RNF213: variants seen among roughly 807,000 people sequenced by gnomAD.
The protein encoded by RNF213 is ring finger protein 213, also known as E3 ubiquitin-protein ligase RNF213.
A neutral mutation model predicts 514.4 loss-of-function variants in RNF213; 341 were observed. That is an observed-to-expected ratio of 0.66 (90% confidence interval 0.61 to 0.73). The LOEUF (loss-of-function observed/expected upper bound fraction) is 0.73. RNF213 is among the 30% of genes least tolerant of loss of function. The probability of loss-of-function intolerance (pLI) is 0.00; values close to 1 mark genes in which losing one functional copy is unlikely to be tolerated. For synonymous variants in RNF213, 2,655 were observed against 2,658.2 expected, an observed-to-expected ratio of 1.00 and a Z score of 0.04; for missense variants, 5,767 against 6,615.6, an observed-to-expected ratio of 0.87 and a Z score of 4.45.
intron 8 of RNF213, 36 bp downstream of exon 8, chr17:80,291,863 C>T (rs747190022): frequency 4.4e-5 from 70 of 1,608,712 alleles, no homozygotes; most frequent in Admixed American, 2.7e-4. Context: ...CTCACCCCTC[C>T]GGAGTGCAGG....
chr17:80,310,555 A>AT (rs764917009), intron 14 of RNF213, among the ~76,000 whole-genome samples: 6,574 of 122,646 alleles, frequency 0.054, 159 homozygotes, highest in Middle Eastern at 0.13. Context: ...ACCCAGCACA[A>AT]TTTTTTTTTT....
chr17:80,319,400 G>T lies in RNF213; in HGVS notation c.3024+88G>T, dbSNP rs199525656. 22 of 1,614,204 alleles carry T rather than the reference G, an allele frequency of 1.4e-5. No homozygotes were observed. The East Asian group carries it at 4.0e-4, about 29-fold the overall frequency. ...GCTAAGGGCTATGAAGCACCCGCTG[G>T]GTCTCAGCTCCTCCGCTAACTCAGA... On this transcript the variant is annotated intron_variant, in intron 17 of 67. Transcript: ENST00000582970.
chr17:80,326,563 G>A (rs2046287247), intron 18 of RNF213, among the ~76,000 whole-genome samples: 1 of 152,178 alleles, frequency 6.6e-6, no homozygotes, highest in African/African-American at 2.4e-5. Flanking sequence ...GTATCGTGCA[G>A]AATAGTTGCG....
Position 80,339,225 on chromosome 17 carries a change from A to T in RNF213, c.4858A>T (p.Ser1620Cys). Residue 1620 changes from serine (S) to cysteine (C), a missense_variant, in exon 26 of 68, where the codon AGC (serine) becomes TGC (cysteine). Ser to Cys is a moderately radical substitution (Grantham distance 112). This residue lies in a region of RNF213 where 1,377 missense variants were observed against 1,635.2 expected (regional missense o/e 0.84). Coordinates refer to ENST00000582970, the MANE Select transcript of RNF213 (RefSeq NM_001256071.3). ...GGTCTTCTGCAGTGTGCAGAGGCTC[A>T]GCCAGGCCTTCATCGACCTGCACTC... ...SEVFCSVQRL[S>C]QAFIDLHSAG... 3 of 1,497,896 alleles carry T rather than the reference A, an allele frequency of 2.0e-6. No homozygotes were observed. The highest frequency in any genetic ancestry group is 2.7e-6 in the Non-Finnish European group (3 of 1,124,924). 92.8% of individuals were successfully genotyped at this position (1,497,896 alleles called of 1,614,324 possible). A position where few individuals can be genotyped will look rare whatever the true frequency, so the allele number is the denominator to read the frequency against.
intron 67 of RNF213, among the ~76,000 whole-genome samples, chr17:80,392,313 A>T (rs1599228180): frequency 6.6e-6 from 1 of 152,362 alleles, no homozygotes; most frequent in East Asian, 1.9e-4. Flanking sequence ...GATAAAAAAG[A>T]TCCCTTTCCT....
Position 80,325,116 on chromosome 17 carries a change from GC to G in RNF213, c.3113del (p.Pro1038LeufsTer11). ...VLSAVITKSW[P>X]RTADNFDDIL... ...TGTCTGCTGTGATCACTAAGTCCTG[GC>G]CTAGGACCGCGGACAACTTCGATGA... On this transcript the variant is annotated frameshift_variant, in exon 18 of 68. Transcript: ENST00000582970. LOFTEE classifies it high-confidence loss of function. 1 of 1,537,090 alleles carries G rather than the reference GC, an allele frequency of 6.5e-7. No homozygotes were observed. The highest frequency in any genetic ancestry group is 8.7e-7 in the Non-Finnish European group (1 of 1,146,884).
chr17:80,322,017 C>T (rs1298283324), intron 17 of RNF213, among the ~76,000 whole-genome samples: 1 of 152,110 alleles, frequency 6.6e-6, no homozygotes, highest in African/African-American at 2.4e-5. Context: ...AGCCACTGTG[C>T]CCGGCCTCAT....
chr17:80,342,763 A>ATATATATATTGTATG (rs2078197711), intron 26 of RNF213, among the ~76,000 whole-genome samples: 1 of 145,622 alleles, frequency 6.9e-6, no homozygotes, highest in African/African-American at 2.5e-5. Flanking sequence ...TATATATATT[A>ATATATATATTGTATG]TATATATATA....
At chr17:80,352,500 A>C in intron 32 of RNF213, 2 of 511,682 alleles carry the variant, frequency 3.9e-6, no homozygotes, top group East Asian at 3.1e-5. Context: ...TTTCCAAGGA[A>C]TGGTCACCAG....
intron 42 of RNF213, among the ~76,000 whole-genome samples, chr17:80,366,171 C>A (rs2079263906): frequency 2.0e-5 from 3 of 152,156 alleles, no homozygotes; most frequent in Admixed American, 6.5e-5. Context: ...GCTCCCTCGG[C>A]CGGGCAGGAA....
chr17:80,386,749 G>C lies in RNF213; in HGVS notation c.14780G>C (p.Arg4927Pro), dbSNP rs371045041. ...ELHVISYEVERDLTPLILSNC... is the reference protein window; with the variant it reads ...ELHVISYEVEPDLTPLILSNC... ...CATGTCATCAGTTATGAAGTGGAGC[G>C]GGACCTGACTCCACTGATTCTCTCC... The change falls in exon 63 of 68, where the codon CGG becomes CCG. Residue 4927 changes from arginine (R) to proline (P), a missense_variant. Coordinates refer to ENST00000582970, the MANE Select transcript of RNF213 (RefSeq NM_001256071.3). 6.2e-7 allele frequency: 1 copy of C among 1,614,150 alleles called. No homozygotes were observed. Among genetic ancestry groups the C allele is most frequent in the Admixed American group, 1.7e-5 (1 of 60,030 alleles).
chr17:80,306,389 G>A lies in RNF213; in HGVS notation c.2348G>A (p.Arg783His), dbSNP rs566710985. 4.2e-5 allele frequency: 68 copies of A among 1,614,112 alleles called. No individual in the cohort carries two copies. The South Asian group carries it at 5.2e-4, about 12-fold the overall frequency. The change falls in exon 12 of 68, where the codon CGT becomes CAT. Residue 783 changes from arginine (R) to histidine (H), a missense_variant. By Grantham distance (29) the Arg-to-His change is conservative. This residue lies in a region of RNF213 where 592 missense variants were observed against 673.9 expected (regional missense o/e 0.88). Transcript: ENST00000582970. ...GAAAACTTCATTGAGCACCTGGGTC[G>A]TTTTCCTGCTCATATCCTGGACTGT... ...YMENFIEHLG[R>H]FPAHILDCLS... is the part of the protein sequence containing the mutation.
intron 2 of RNF213, 89 bp from the exon 3 acceptor site, chr17:80,273,152 T>C (rs1478667861): frequency 6.5e-7 from 1 of 1,532,396 alleles, no homozygotes; most frequent in Non-Finnish European, 9.0e-7. Context: ...GGTGAATCTC[T>C]CCATGCACTC....
At position 80,377,810 on chromosome 17, in the gene RNF213, T is replaced by C. The variant is rs1599180780; in HGVS notation, c.13545+14T>C. 6.2e-7 allele frequency: 1 copy of C among 1,614,102 alleles called. No homozygotes were observed. The highest frequency in any genetic ancestry group is 1.1e-5 in the South Asian group (1 of 91,084). ...TCCGTGGGAGAGGTGAGTCTTGGTATTTAAGATAGGGTTTGAGGGGTGGCG... is the reference window on the plus strand; with the variant it reads ...TCCGTGGGAGAGGTGAGTCTTGGTACTTAAGATAGGGTTTGAGGGGTGGCG... On this transcript the variant is annotated intron_variant, in intron 54 of 67. Coordinates refer to ENST00000582970, the MANE Select transcript of RNF213 (RefSeq NM_001256071.3). The surrounding 1 kb of genome is among the most constrained non-coding windows in gnomAD (Gnocchi z 4.1).
chr17:80,354,317 A>C (rs1203222471), intron 35 of RNF213, 124 bp from the exon 36 acceptor site: 1 of 1,533,076 alleles, frequency 6.5e-7, no homozygotes, highest in Admixed American at 1.7e-5. Flanking sequence ...AGCATCTCTC[A>C]GATTTTGCTC....
intron 15 of RNF213, chr17:80,315,767 T>G (rs2045907560): frequency 6.4e-5 from 2 of 31,018 alleles, no homozygotes; most frequent in Non-Finnish European, 1.4e-4. Context: ...ACAGTGGTGA[T>G]GCTGGTGGTG....
In RNF213 at chr17:80,376,919, C is replaced by T; in HGVS notation, c.13466C>T (p.Ala4489Val). ...CCAACCATGCCTGAAGACTTGCTGG[C>T]TCAAGCTCGGAGGTGGAAGGGTCTG... ...FLPTMPEDLL[A>V]QARRWKGLER... Residue 4489 changes from alanine to valine, a missense_variant, in exon 53 of 68, where the codon GCT (alanine) becomes GTT (valine). By Grantham distance (64) the Ala-to-Val change is moderately conservative (BLOSUM62 0). Transcript: ENST00000582970. 1.2e-6 allele frequency: 2 copies of T among 1,614,118 alleles called. No individual in the cohort carries two copies. Among genetic ancestry groups the T allele is most frequent in the Non-Finnish European group, 8.5e-7 (1 of 1,180,020 alleles).
chr17:80,314,877 A>G (rs376516788), intron 15 of RNF213, among the ~76,000 whole-genome samples: 1 of 2,044 alleles, frequency 4.9e-4, no homozygotes, highest in Non-Finnish European at 8.4e-4. Context: ...AATGGAGGTG[A>G]TGGTGGTGGT....
intron 32 of RNF213, chr17:80,352,720 G>A: frequency 1.4e-6 from 1 of 692,958 alleles, no homozygotes; most frequent in Non-Finnish European, 2.6e-6. Flanking sequence ...TACCGTTGCT[G>A]CTTATGGTGA....
Sources: allele counts gnomAD v4.1 joint callset (sites outside exome capture counted in the v4.1 genomes callset), GRCh38; gene constraint gnomAD v4.1.1; regional missense constraint gnomAD v4.1.1; non-coding constraint Gnocchi (gnomAD v3.1); transcripts MANE v1.5; gene names NCBI Gene and HGNC (gene_info 2026-07-23, HGNC 2026-07-21).